Variants in ATP6V0A4 observed in about 807,000 individuals in gnomAD.
ATP6V0A4 encodes the protein ATPase H+ transporting V0 subunit a4, also known as V-type proton ATPase 116 kDa subunit a 4.
ATP6V0A4 carries 86 observed loss-of-function variants against 107.3 expected under a neutral mutation model. The ratio of observed to expected loss-of-function variants is 0.80; its 90% CI spans 0.67 to 0.96. The LOEUF (loss-of-function observed/expected upper bound fraction) is 0.96, where lower values mean the gene tolerates loss of function less well. ATP6V0A4 is among the 40% of genes least tolerant of loss of function. The pLI is 0.00. For synonymous variants in ATP6V0A4, 353 were observed against 381.4 expected, an observed-to-expected ratio of 0.93 and a Z score of 0.87; for missense variants, 908 against 1,045.6, an observed-to-expected ratio of 0.87 and a Z score of 1.81.
chr7:138,785,468 G>A (rs1348778830), intron 2 of ATP6V0A4, among the ~76,000 whole-genome samples: 1 of 151,666 alleles, frequency 6.6e-6, no homozygotes, highest in East Asian at 1.9e-4. Flanking sequence ...GTGGAGACAG[G>A]GTTTCACCAT....
chr7:138,762,768 G>T (rs1433051556), intron 6 of ATP6V0A4, 132 bp downstream of exon 6: 2 of 1,107,822 alleles, frequency 1.8e-6, no homozygotes, highest in Admixed American at 3.4e-5. Flanking sequence ...ATACTCCCCC[G>T]CCCTCACCAA....
chr7:138,712,660 C>T (rs1201517217), intron 20 of ATP6V0A4, among the ~76,000 whole-genome samples: 1 of 152,102 alleles, frequency 6.6e-6, no homozygotes, highest in African/African-American at 2.4e-5. Flanking sequence ...CTGGAAGCCA[C>T]GTCTAGCAGG....
At chr7:138,789,254 T>C (rs2130220393) in intron 1 of ATP6V0A4, among the ~76,000 whole-genome samples, 1 of 152,150 alleles carries the variant, frequency 6.6e-6, no homozygotes, top group Admixed American at 6.5e-5. Context: ...GTTTTTGTCT[T>C]TTTTTCTTTT....
chr7:138,798,018 G>C lies in ATP6V0A4; in HGVS notation c.-121+16C>G, dbSNP rs1436304991. 6.4e-7 allele frequency: 1 copy of C among 1,550,802 alleles called. No homozygotes were observed. ...CAGAGTTGCTTTCCAGCTCCTGCAG[G>C]TGGGAGTCGACTCACCTGCAGCAGG... On this transcript the variant is annotated intron_variant, in intron 1 of 21. Coordinates refer to ENST00000310018, the MANE Select transcript of ATP6V0A4 (RefSeq NM_020632.3).
intron 14 of ATP6V0A4, among the ~76,000 whole-genome samples, chr7:138,742,184 T>C (rs572894430): frequency 3.3e-5 from 5 of 152,114 alleles, no homozygotes; most frequent in African/African-American, 7.2e-5. Context: ...CCCATCACTT[T>C]GGGAGGCCGA....
intron 2 of ATP6V0A4, among the ~76,000 whole-genome samples, chr7:138,783,298 C>T (rs190540452): frequency 4.0e-5 from 6 of 151,690 alleles, no homozygotes; most frequent in East Asian, 2.0e-4. Context: ...TGGCTGCGTA[C>T]GGTGGCTCAC....
chr7:138,770,288 G>A (rs763289834), intron 3 of ATP6V0A4, among the ~76,000 whole-genome samples: 5 of 151,786 alleles, frequency 3.3e-5, no homozygotes, highest in Non-Finnish European at 7.4e-5. Flanking sequence ...AGGAAGGAAG[G>A]AAAGGAAGTC....
intron 7 of ATP6V0A4, among the ~76,000 whole-genome samples, chr7:138,761,115 C>G (rs1806786770): frequency 6.6e-6 from 1 of 152,098 alleles, no homozygotes; most frequent in Admixed American, 6.6e-5. Context: ...ATCTGACCCC[C>G]ATTTCTAATT....
chr7:138,721,146 C>T (rs1804402935), intron 19 of ATP6V0A4, among the ~76,000 whole-genome samples: 1 of 152,108 alleles, frequency 6.6e-6, no homozygotes, highest in South Asian at 2.1e-4. Context: ...GGCACGGGCT[C>T]CTGAGGGGCA....
intron 2 of ATP6V0A4, 140 bp from the exon 3 acceptor site, chr7:138,771,404 T>A: frequency 1.1e-6 from 1 of 919,562 alleles, no homozygotes; most frequent in Non-Finnish European, 1.5e-6. Context: ...AGGAGACTTT[T>A]TTTTTTTTTT....
At chr7:138,760,192 C>G (rs927259683) in intron 7 of ATP6V0A4, among the ~76,000 whole-genome samples, 36 of 152,040 alleles carry the variant, frequency 2.4e-4, no homozygotes, top group Non-Finnish European at 4.4e-5. Flanking sequence ...ACCTGTAATC[C>G]CAGCACTTTG....
intron 1 of ATP6V0A4, among the ~76,000 whole-genome samples, chr7:138,789,155 A>G (rs1808289090): frequency 6.6e-6 from 1 of 151,920 alleles, no homozygotes; most frequent in South Asian, 2.1e-4. Flanking sequence ...GAGCACTCCA[A>G]GAGCTGAGGC....
intron 14 of ATP6V0A4, among the ~76,000 whole-genome samples, chr7:138,742,475 T>C (rs1223977982): frequency 3.3e-5 from 5 of 152,192 alleles, no homozygotes; most frequent in African/African-American, 9.6e-5. Flanking sequence ...TCTATACTTA[T>C]GAGTTTAAAT....
Position 138,706,610 on chromosome 7 carries a change from G to T in ATP6V0A4, c.*14C>A, listed in dbSNP as rs776494245. On this transcript the variant is annotated 3_prime_UTR_variant, in exon 22 of 22. Transcript: ENST00000310018. Reference sequence around the variant, plus strand: ...ATTGGCATGGTGACCACCGTGGGAGGTGCAGCCCTCAGCCTACTCCTCGGC... The same window carrying T: ...ATTGGCATGGTGACCACCGTGGGAGTTGCAGCCCTCAGCCTACTCCTCGGC... 1.7e-5 allele frequency: 28 copies of T among 1,613,578 alleles called. No homozygotes were observed. The highest frequency in any genetic ancestry group is 2.2e-5 in the Non-Finnish European group (26 of 1,179,790).
chr7:138,762,103 T>C (rs1290144944), intron 7 of ATP6V0A4, among the ~76,000 whole-genome samples: 1 of 152,102 alleles, frequency 6.6e-6, no homozygotes, highest in Non-Finnish European at 1.5e-5. Flanking sequence ...GGGGGAGCAA[T>C]ATAAACATTG....
rs755114471 is a variant in ATP6V0A4, at chr7:138,771,190, C to G, written c.58G>C (p.Glu20Gln). 1 of 1,614,174 alleles carries G rather than the reference C, an allele frequency of 6.2e-7. No individual in the cohort carries two copies. The highest frequency in any genetic ancestry group is 2.2e-5 in the East Asian group (1 of 44,876). Residue 20 changes from glutamate to glutamine, a missense_variant, in exon 3 of 22, where the codon GAA (glutamate) becomes CAA (glutamine). Transcript: ENST00000310018. ...TCAGCCACACAGCAATATGCAGCTT[C>G]CACCTGGAGAAACAGTTGTGACAAA... The part of the protein sequence containing the change: ...MCLSQLFLQV[E>Q]AAYCCVAELG...
At chr7:138,769,944 G>A (rs937839869) in intron 3 of ATP6V0A4, among the ~76,000 whole-genome samples, 1 of 152,066 alleles carries the variant, frequency 6.6e-6, no homozygotes, top group East Asian at 1.9e-4. Context: ...CGAGCGTGGT[G>A]GTGTGCTGAG....
At chr7:138,751,373 A>G (rs1806216318) in intron 11 of ATP6V0A4, among the ~76,000 whole-genome samples, 1 of 152,122 alleles carries the variant, frequency 6.6e-6, no homozygotes, top group South Asian at 2.1e-4. Context: ...ACGAGTGACT[A>G]AAAACAGCTG....
At chr7:138,795,405 C>G (rs1808610568) in intron 1 of ATP6V0A4, among the ~76,000 whole-genome samples, 1 of 152,144 alleles carries the variant, frequency 6.6e-6, no homozygotes, top group South Asian at 2.1e-4. Flanking sequence ...ATGGTCTCAG[C>G]TTAGGCTGCA....
Sources: allele counts gnomAD v4.1 joint callset (sites outside exome capture counted in the v4.1 genomes callset), GRCh38; gene constraint gnomAD v4.1.1; transcripts MANE v1.5; gene names NCBI Gene and HGNC (gene_info 2026-07-23, HGNC 2026-07-21).